Variants in TAPBPL observed in about 807,000 individuals in gnomAD.
TAPBPL encodes TAP binding protein like, also known as tapasin-related protein.
TAPBPL carries 32 observed loss-of-function variants against 44.8 expected under a neutral mutation model. That is an observed-to-expected ratio of 0.71 (90% CI 0.54 to 0.96). The LOEUF (loss-of-function observed/expected upper bound fraction) is 0.96. Among genes scored for constraint, TAPBPL ranks in the 40% least tolerant of loss-of-function variants. The pLI is 0.00. For synonymous variants in TAPBPL, 230 were observed against 240.7 expected (o/e 0.96, Z 0.41); for missense variants, 520 against 586.6 (o/e 0.89, Z 1.17).
chr12:6,466,424 T>TGTA (rs1950027163), downstream of TAPBPL: 3 of 1,511,960 alleles, frequency 2.0e-6, no homozygotes, highest in African/African-American at 4.2e-5. Flanking sequence ...AGCACACACC[T>TGTA]GTAGTCCCAG....
rs1453771211 is a variant in TAPBPL, at chr12:6,452,313, G to C, written c.64+1G>C. On this transcript the variant is annotated splice_donor_variant, in intron 1 of 6. Transcript: ENST00000266556. LOFTEE classifies it high-confidence loss of function. ...GCTCTATCTGGAGCAGCAGAAACCA[G>C]TGAGTCTGGGAGTCGGGGAGAGCTG... The C allele has an allele frequency of 1.3e-6, 2 of 1,572,936 alleles. No individual in the cohort carries two copies. Among genetic ancestry groups the C allele is most frequent in the Non-Finnish European group, 1.7e-6 (2 of 1,159,536 alleles).
downstream of TAPBPL, chr12:6,470,891 A>G (rs1422400517): frequency 2.1e-5 from 7 of 333,728 alleles, no homozygotes. Flanking sequence ...CAATGCGACC[A>G]TAGTTTGCGC....
At chr12:6,465,423 T>C (rs7310393), downstream of TAPBPL, 917 of 121,256 alleles carry the variant, frequency 7.6e-3, 25 homozygotes, top group East Asian at 0.022. Flanking sequence ...TGTATATATA[T>C]ATATAAATGT....
chr12:6,460,912 T>C lies in TAPBPL; in HGVS notation c.1265T>C (p.Met422Thr). 6.2e-7 allele frequency: 1 copy of C among 1,614,158 alleles called. No homozygotes were observed. Among genetic ancestry groups the C allele is most frequent in the Non-Finnish European group, 8.5e-7 (1 of 1,180,014 alleles). Residue 422 changes from methionine (M) to threonine (T), a missense_variant, in exon 6 of 7, where the codon ATG (methionine) becomes ACG (threonine). Coordinates refer to ENST00000266556, the MANE Select transcript of TAPBPL (RefSeq NM_018009.5). ...AGCAGTCTCTTCCTTCTTGCACTGA[T>C]GTTCCTGGGGCTTCAGAGACGGCAA... ...FASSLFLLAL[M>T]FLGLQRRQAP...
Position 6,452,245 on chromosome 12 carries a change from C to A in TAPBPL, c.-4C>A. 1 of 1,570,678 alleles carries A rather than the reference C, an allele frequency of 6.4e-7. No individual in the cohort carries two copies. Among genetic ancestry groups the A allele is most frequent in the Non-Finnish European group, 8.6e-7 (1 of 1,158,114 alleles). On this transcript the variant is annotated 5_prime_UTR_variant, in exon 1 of 7. Transcript: ENST00000266556. ...GGCAAGGAGGGAACTCGAGAGCAGCCTCCATGGGCACACAGGAGGGCTGGT... is the reference window on the plus strand; with the variant it reads ...GGCAAGGAGGGAACTCGAGAGCAGCATCCATGGGCACACAGGAGGGCTGGT...
At chr12:6,459,533 A>AT (rs1949786928) in intron 5 of TAPBPL, among the ~76,000 whole-genome samples, 1 of 152,188 alleles carries the variant, frequency 6.6e-6, no homozygotes, top group Non-Finnish European at 1.5e-5. Flanking sequence ...CATGACTCCC[A>AT]TTTTACAGGT....
Position 6,453,133 on chromosome 12 carries a change from A to ACGGTG in TAPBPL, c.134_138dup (p.His47ValfsTer20). The ACGGTG allele has an allele frequency of 1.9e-6, 3 of 1,593,800 alleles. No individual in the cohort carries two copies. The highest frequency in any genetic ancestry group is 2.6e-6 in the Non-Finnish European group (3 of 1,170,624). On this transcript the variant is annotated frameshift_variant, in exon 2 of 7. Transcript: ENST00000266556. LOFTEE classifies it high-confidence loss of function. This position sits in a 1 kb window ranked among gnomAD's most constrained non-coding sequence, Gnocchi z 4.8. ...GTCCTAGACTGCTTCCTGGCGAAGG[A>ACGGTG]CGGTGCGCACCGTGGAGCTCTCGCC...
At position 6,453,433 on chromosome 12, in the gene TAPBPL, C is replaced by G; in HGVS notation, c.296-14C>G. The stretch of plus-strand genomic sequence containing the variant: ...CGCTAATTTGCCCTCTGTGTGTGCC[C>G]TGCTTCTCCCCAGTGGACCTGGTCC... On this transcript the variant is annotated splice_polypyrimidine_tract_variant and intron_variant, in intron 2 of 6. Transcript: ENST00000266556. The surrounding 1 kb of genome is among the most constrained non-coding windows in gnomAD (Gnocchi z 4.8). The G allele has an allele frequency of 6.2e-7, 1 of 1,613,692 alleles. No individual in the cohort carries two copies. The highest frequency in any genetic ancestry group is 8.5e-7 in the Non-Finnish European group (1 of 1,179,752).
downstream of TAPBPL, chr12:6,465,283 C>T (rs1949974859): frequency 2.5e-6 from 1 of 402,508 alleles, no homozygotes; most frequent in Admixed American, 3.2e-5. Flanking sequence ...GTGTTCAGCT[C>T]ATTCTCAAAA....
At chr12:6,470,848 A>G (rs1368384540), downstream of TAPBPL, 1 of 490,044 alleles carries the variant, frequency 2.0e-6, no homozygotes, top group Non-Finnish European at 3.7e-6. Flanking sequence ...CGACTCCGGA[A>G]AGGAGCGGTT....
At chr12:6,464,281 C>A (rs1042649225), downstream of TAPBPL, 10 of 1,536,908 alleles carry the variant, frequency 6.5e-6, no homozygotes, top group Non-Finnish European at 7.9e-6. Flanking sequence ...TTAGATTGTG[C>A]CACGAGCAGC....
At chr12:6,462,962 G>A (rs1207088040), downstream of TAPBPL, 1 of 1,553,098 alleles carries the variant, frequency 6.4e-7, no homozygotes, top group Non-Finnish European at 8.7e-7. Flanking sequence ...CATGGCCTCA[G>A]CCTCTTCCTG....
rs1949565412 is a variant in TAPBPL at position 6,452,196 on chromosome 12, G to C, written c.-53G>C. On this transcript the variant is annotated 5_prime_UTR_variant, in exon 1 of 7. Coordinates refer to ENST00000266556, the MANE Select transcript of TAPBPL (RefSeq NM_018009.5). ...TCTTCCGCCGGGCCTCGCAAGCAGC[G>C]TAGGACTGTGGAGAAGGGCGGTGGG... 9.0e-6 allele frequency: 14 copies of C among 1,551,594 alleles called. No homozygotes were observed. In the South Asian group the frequency reaches 9.5e-5, roughly 11 times the overall value.
chr12:6,464,110 T>C, downstream of TAPBPL: 1 of 1,330,154 alleles, frequency 7.5e-7, no homozygotes, highest in Non-Finnish European at 9.8e-7. Context: ...CCGATACTCT[T>C]CTCCTCCCAA....
chr12:6,470,257 A>G (rs1462367633), downstream of TAPBPL, among the ~76,000 whole-genome samples: 2 of 151,570 alleles, frequency 1.3e-5, no homozygotes, highest in Non-Finnish European at 2.9e-5. Context: ...TACCAAAACC[A>G]GAATGAGGCG....
At chr12:6,455,249 C>CAAACGCATGTTTGAACCCCG (rs1555125929) in intron 3 of TAPBPL, among the ~76,000 whole-genome samples, 2 of 152,068 alleles carry the variant, frequency 1.3e-5, no homozygotes, top group Non-Finnish European at 2.9e-5. Context: ...ACTTGAACCC[C>CAAACGCATGTTTGAACCCCG]AAACGCATGT....
At chr12:6,467,311 G>GA (rs1234279063), downstream of TAPBPL, among the ~76,000 whole-genome samples, 2 of 152,194 alleles carry the variant, frequency 1.3e-5, no homozygotes, top group Non-Finnish European at 2.9e-5. Context: ...GAAAATGCGG[G>GA]AAAGTTTGGA....
At chr12:6,452,671 C>A in intron 1 of TAPBPL, 2 of 1,189,984 alleles carry the variant, frequency 1.7e-6, no homozygotes, top group Non-Finnish European at 2.1e-6. Flanking sequence ...GGGAAGGCTA[C>A]CCGAAATGGG....
chr12:6,460,288 T>C (rs1949814915), intron 5 of TAPBPL, among the ~76,000 whole-genome samples: 1 of 150,590 alleles, frequency 6.6e-6, no homozygotes, highest in Admixed American at 6.6e-5. Context: ...TGTTTTGAGA[T>C]AGGGTCTCAC....
Sources: allele counts gnomAD v4.1 joint callset (sites outside exome capture counted in the v4.1 genomes callset), GRCh38; gene constraint gnomAD v4.1.1; non-coding constraint Gnocchi (gnomAD v3.1); transcripts MANE v1.5; gene names NCBI Gene and HGNC (gene_info 2026-07-23, HGNC 2026-07-21).